KCNMB2: variants seen among roughly 807,000 people sequenced by gnomAD.
The protein encoded by KCNMB2 is potassium calcium-activated channel subfamily M regulatory beta subunit 2, also known as calcium-activated potassium channel subunit beta-2.
In KCNMB2, 9 loss-of-function variants were observed where a neutral mutation model predicts 24.5. That is an observed-to-expected ratio of 0.37 (90% CI 0.22 to 0.64). The LOEUF (loss-of-function observed/expected upper bound fraction) is 0.64, where lower values mean the gene tolerates loss of function less well. KCNMB2 is among the 30% of genes least tolerant of loss of function. The pLI is 0.63. For missense variants in KCNMB2, 226 were observed against 284.3 expected, an observed-to-expected ratio of 0.79 and a Z score of 1.47; for synonymous variants, 109 against 104.4, an observed-to-expected ratio of 1.04 and a Z score of -0.27.
intron 1 of KCNMB2, among the ~76,000 whole-genome samples, chr3:178,623,183 C>T (rs1344699889): frequency 5.9e-5 from 9 of 152,204 alleles, no homozygotes; most frequent in Admixed American, 5.9e-4. Context: ...TGATGGTGTG[C>T]TGACATTCCC....
At chr3:178,688,770 A>G (rs534152016) in intron 1 of KCNMB2, among the ~76,000 whole-genome samples, 1 of 152,324 alleles carries the variant, frequency 6.6e-6, no homozygotes, top group African/African-American at 2.4e-5. Flanking sequence ...CATAGGCTTT[A>G]ATTTTTGTGG....
At chr3:178,752,777 A>G (rs1723894578) in intron 1 of KCNMB2, among the ~76,000 whole-genome samples, 1 of 152,242 alleles carries the variant, frequency 6.6e-6, no homozygotes, top group South Asian at 2.1e-4. Context: ...AGGAGAGTAG[A>G]AATTAAAGAT....
At chr3:178,593,019 T>TA (rs1027939609) in intron 1 of KCNMB2, among the ~76,000 whole-genome samples, 1 of 151,968 alleles carries the variant, frequency 6.6e-6, no homozygotes, top group African/African-American at 2.4e-5. Context: ...TTTTAAAAAA[T>TA]AAAGTACGAG....
intron 1 of KCNMB2, among the ~76,000 whole-genome samples, chr3:178,575,026 CCA>C (rs1716941346): frequency 6.6e-6 from 1 of 152,110 alleles, no homozygotes; most frequent in Non-Finnish European, 1.5e-5. Flanking sequence ...CAAGATCACG[CCA>C]CTGCACTCAA....
At chr3:178,773,418 C>T (rs1712456518) in intron 1 of KCNMB2, among the ~76,000 whole-genome samples, 1 of 151,776 alleles carries the variant, frequency 6.6e-6, no homozygotes, top group African/African-American at 2.4e-5. Flanking sequence ...AATATCAGAC[C>T]TGCTTTTCCC....
intron 1 of KCNMB2, among the ~76,000 whole-genome samples, chr3:178,694,573 G>T (rs1159377622): frequency 6.6e-6 from 1 of 152,218 alleles, no homozygotes; most frequent in Non-Finnish European, 1.5e-5. Flanking sequence ...TACAGGCACT[G>T]GGTAAGTACA....
intron 4 of KCNMB2, among the ~76,000 whole-genome samples, chr3:178,830,157 A>G (rs968714733): frequency 2.0e-5 from 3 of 152,176 alleles, no homozygotes; most frequent in Non-Finnish European, 2.9e-5. Flanking sequence ...ATCCTTAAAC[A>G]TATATATTTT....
chr3:178,608,364 G>A (rs1276902137), intron 1 of KCNMB2, among the ~76,000 whole-genome samples: 1 of 150,796 alleles, frequency 6.6e-6, no homozygotes, highest in Non-Finnish European at 1.5e-5. Context: ...TATACATAGG[G>A]TTGATTGTAT....
At chr3:178,580,648 T>A (rs1717163711) in intron 1 of KCNMB2, among the ~76,000 whole-genome samples, 2 of 152,238 alleles carry the variant, frequency 1.3e-5, no homozygotes, top group Admixed American at 6.5e-5. Flanking sequence ...CTGCTTAAGC[T>A]GATAAGCAAC....
intron 1 of KCNMB2, among the ~76,000 whole-genome samples, chr3:178,727,955 T>G (rs1257383815): frequency 1.3e-5 from 2 of 152,240 alleles, no homozygotes; most frequent in Admixed American, 1.3e-4. Flanking sequence ...AATACGTGCA[T>G]AGCACTTACC....
At position 178,688,235 on chromosome 3, in the gene KCNMB2, T is replaced by C. The variant is rs570327611; in HGVS notation, c.-67-119108T>C. The stretch of plus-strand genomic sequence containing the variant: ...GGATAATAATTGAGGTTTAATGTTA[T>C]GGCAAATTTTGCTACTTCATCACTA... On this transcript the variant is annotated intron_variant, in intron 1 of 4. Transcript: ENST00000452583. 1.3e-4 allele frequency among the ~76,000 whole-genome samples: 20 copies of C among 152,298 alleles called. 1 individual carries two copies. The South Asian group carries it at 3.7e-3, about 28-fold the overall frequency.
At chr3:178,831,444 T>C (rs1168565344) in intron 4 of KCNMB2, among the ~76,000 whole-genome samples, 2 of 152,130 alleles carry the variant, frequency 1.3e-5, no homozygotes, top group African/African-American at 4.8e-5. Context: ...CACATGTACA[T>C]GTATGTTCAT....
chr3:178,755,123 C>T (rs922512965), intron 1 of KCNMB2, among the ~76,000 whole-genome samples: 2 of 152,218 alleles, frequency 1.3e-5, no homozygotes, highest in Non-Finnish European at 1.5e-5. Context: ...ATGAGAGTGC[C>T]GTTTCCACGG....
intron 1 of KCNMB2, among the ~76,000 whole-genome samples, chr3:178,802,736 C>T (rs530844728): frequency 6.6e-6 from 1 of 152,214 alleles, no homozygotes; most frequent in East Asian, 1.9e-4. Flanking sequence ...TAATGTGTGA[C>T]CAGCATTCAG....
chr3:178,767,231 TG>T (rs1240536622), intron 1 of KCNMB2, among the ~76,000 whole-genome samples: 1 of 152,192 alleles, frequency 6.6e-6, no homozygotes, highest in Non-Finnish European at 1.5e-5. Flanking sequence ...TTAAAGCAAA[TG>T]AAACAATGTG....
At chr3:178,687,393 ATGGGTC>A (rs1427749947) in intron 1 of KCNMB2, among the ~76,000 whole-genome samples, 1 of 152,128 alleles carries the variant, frequency 6.6e-6, no homozygotes, top group African/African-American at 2.4e-5. Context: ...CAGTGTACTT[ATGGGTC>A]TGGAGTTTCT....
chr3:178,780,378 C>T (rs993437005), intron 1 of KCNMB2, among the ~76,000 whole-genome samples: 2 of 152,180 alleles, frequency 1.3e-5, no homozygotes, highest in South Asian at 4.1e-4. Flanking sequence ...TATTGCATTT[C>T]TGCACTTCAC....
At chr3:178,670,379 G>A (rs1454603036) in intron 1 of KCNMB2, among the ~76,000 whole-genome samples, 1 of 151,130 alleles carries the variant, frequency 6.6e-6, no homozygotes, top group Non-Finnish European at 1.5e-5. Context: ...GATTATAGAA[G>A]CAAATGATAT....
chr3:178,717,311 A>G (rs1722649320), intron 1 of KCNMB2, among the ~76,000 whole-genome samples: 1 of 151,808 alleles, frequency 6.6e-6, no homozygotes, highest in Non-Finnish European at 1.5e-5. Flanking sequence ...AATTTTTTTC[A>G]CTCATTTCTA....
Sources: allele counts gnomAD v4.1 joint callset (sites outside exome capture counted in the v4.1 genomes callset), GRCh38; gene constraint gnomAD v4.1.1; transcripts MANE v1.5; gene names NCBI Gene and HGNC (gene_info 2026-07-23, HGNC 2026-07-21).